The following SH3GLB1 variants were observed in gnomAD, a reference collection of about 807,000 sequenced individuals.
SH3GLB1 encodes the protein endophilin-B1.
Under a neutral mutation model 42.0 loss-of-function variants are expected in SH3GLB1, and 17 were observed. That is an observed-to-expected ratio of 0.40 (90% confidence interval 0.28 to 0.61). The LOEUF is 0.61. Ranked by LOEUF, SH3GLB1 falls within the 20% of genes least tolerant of loss-of-function variation. The pLI, the probability that SH3GLB1 is intolerant of heterozygous loss-of-function variation, is 0.36. For missense variants in SH3GLB1, 355 were observed against 426.3 expected, an observed-to-expected ratio of 0.83 and a Z score of 1.47; for synonymous variants, 132 against 146.6, an observed-to-expected ratio of 0.90 and a Z score of 0.72.
chr1:86,730,064 T>A (rs1160811125), intron 5 of SH3GLB1: 2 of 1,580,612 alleles, frequency 1.3e-6, no homozygotes, highest in Non-Finnish European at 1.7e-6. Context: ...TTTATATTTT[T>A]CTCTAATTTT....
intron 5 of SH3GLB1, 146 bp downstream of exon 5, chr1:86,724,551 A>T: frequency 1.5e-6 from 1 of 654,804 alleles, no homozygotes; most frequent in Admixed American, 3.1e-5. Flanking sequence ...AATACATCCA[A>T]ATCACTGCAA....
chr1:86,732,933 C>T (rs1357465583), intron 5 of SH3GLB1, among the ~76,000 whole-genome samples: 1 of 151,958 alleles, frequency 6.6e-6, no homozygotes, highest in African/African-American at 2.4e-5. Context: ...ATGGAACTAA[C>T]CTAGTTTATT....
rs1012352890 is a variant in SH3GLB1, at chr1:86,730,679, T to C, written c.571-3923T>C. Among the ~76,000 whole-genome samples the C allele has an allele frequency of 9.2e-5, 14 of 152,194 alleles. No homozygotes were observed. In the South Asian group the frequency reaches 2.3e-3, roughly 25 times the overall value. On this transcript the variant is annotated intron_variant, in intron 5 of 8. Transcript: ENST00000370558. The stretch of plus-strand genomic sequence containing the variant: ...CACGCCTGGCTAATTTTTTGTATGT[T>C]TAGTAGCGGCAGTTTTTTCACCATG...
Position 86,745,612 on chromosome 1 carries a change from G to A in SH3GLB1, c.*2377G>A, listed in dbSNP as rs752008582. The A allele has an allele frequency of 6.6e-6, 1 of 152,178 alleles. No homozygotes were observed. The highest frequency in any genetic ancestry group is 1.5e-5 in the Non-Finnish European group (1 of 68,028). The allele number at this position is 152,178 out of a possible 1,614,324, so 9.4% of individuals were successfully genotyped here. A position where few individuals can be genotyped will look rare whatever the true frequency, so the allele number is the denominator to read the frequency against. ...GTACAGAAACCTTCAATAATGTTAA[G>A]CTTCAAAGGCTTCTGGTACGTTTGT... On this transcript the variant is annotated 3_prime_UTR_variant, in exon 9 of 9. Coordinates refer to ENST00000370558, the MANE Select transcript of SH3GLB1 (RefSeq NM_016009.5).
Position 86,742,286 on chromosome 1 carries a change from T to C in SH3GLB1, c.840T>C (p.Gly280=). The C allele has an allele frequency of 1.9e-6, 3 of 1,614,100 alleles. No homozygotes were observed. Among genetic ancestry groups the C allele is most frequent in the Non-Finnish European group, 2.5e-6 (3 of 1,179,960 alleles). The part of the protein sequence containing the change: ...PVPSVLPNAI[G]SSAMASTSGL... Reference sequence around the variant, plus strand: ...CATCAGTTTTACCAAATGCGATTGGTTCTTCTGCCATGGCTTCAACAAGTG... The same window carrying C: ...CATCAGTTTTACCAAATGCGATTGGCTCTTCTGCCATGGCTTCAACAAGTG... Residue 280 remains glycine (G), a synonymous_variant, in exon 8 of 9, where the codon GGT becomes GGC. Transcript: ENST00000370558.
At chr1:86,707,979 CAG>C (rs1653970811) in intron 1 of SH3GLB1, among the ~76,000 whole-genome samples, 1 of 152,092 alleles carries the variant, frequency 6.6e-6, no homozygotes, top group Non-Finnish European at 1.5e-5. Context: ...AAGAAAAAAA[CAG>C]AAGTCGCTGA....
chr1:86,734,376 CAG>C (rs912556747), intron 5 of SH3GLB1: 10 of 428,284 alleles, frequency 2.3e-5, no homozygotes, highest in Non-Finnish European at 3.9e-5. Context: ...TTTAGCGTAA[CAG>C]ATTCTTTTCA....
rs550301160 is a variant in SH3GLB1, at chr1:86,715,811, A to G, written c.160A>G (p.Ile54Val). 28 of 1,612,348 alleles carry G rather than the reference A, an allele frequency of 1.7e-5. No homozygotes were observed. Among genetic ancestry groups the G allele is most frequent in the Admixed American group, 5.0e-5 (3 of 59,536 alleles). ...CCTTAGCAAAGCTGAATGTACCAAA[A>G]TATGGACAGAAAAAATAATGAAACA... ...NLLSKAECTK[I>V]WTEKIMKQTE... is the part of the protein sequence containing the mutation. The change falls in exon 2 of 9, where the codon ATA becomes GTA. Residue 54 changes from isoleucine to valine, a missense_variant. Transcript: ENST00000370558.
At chr1:86,717,314 T>A (rs1195921443) in intron 2 of SH3GLB1, among the ~76,000 whole-genome samples, 1 of 152,220 alleles carries the variant, frequency 6.6e-6, no homozygotes, top group African/African-American at 2.4e-5. Context: ...CATTCACAAC[T>A]GGTAAACAGG....
intron 5 of SH3GLB1, 149 bp downstream of exon 5, chr1:86,724,554 C>A: frequency 1.5e-6 from 1 of 651,128 alleles, no homozygotes. Flanking sequence ...ACATCCAAAT[C>A]ACTGCAAAGT....
intron 1 of SH3GLB1, among the ~76,000 whole-genome samples, chr1:86,709,978 T>C (rs1452003016): frequency 6.6e-6 from 1 of 152,218 alleles, no homozygotes; most frequent in African/African-American, 2.4e-5. Flanking sequence ...AAATCCTATT[T>C]CTTTTACAGA....
chr1:86,708,519 A>G (rs1440305923), intron 1 of SH3GLB1, among the ~76,000 whole-genome samples: 2 of 152,220 alleles, frequency 1.3e-5, no homozygotes, highest in African/African-American at 4.8e-5. Context: ...AGTAAAGCAC[A>G]TAGATGCGTC....
chr1:86,713,665 T>C (rs1311807921), intron 1 of SH3GLB1, among the ~76,000 whole-genome samples: 1 of 152,146 alleles, frequency 6.6e-6, no homozygotes, highest in Admixed American at 6.5e-5. Flanking sequence ...CTCAAACTCC[T>C]GCTCCCCTTT....
intron 5 of SH3GLB1, among the ~76,000 whole-genome samples, chr1:86,732,317 T>C (rs1322839352): frequency 6.6e-6 from 1 of 152,236 alleles, no homozygotes; most frequent in Non-Finnish European, 1.5e-5. Flanking sequence ...TGCTATCATG[T>C]AGTCTAGTAG....
At position 86,746,569 on chromosome 1, in the gene SH3GLB1, A is replaced by T. The variant is rs1331613996; in HGVS notation, c.*3334A>T. 6.6e-6 allele frequency: 1 copy of T among 152,208 alleles called. No individual in the cohort carries two copies. 9.4% of individuals were successfully genotyped at this position (152,208 alleles called of 1,614,324 possible). ...CTGCCCTTTCTCCCATATTACGCTC[A>T]TTAGAAAGTCTACTCAGGGCTGGGT... On this transcript the variant is annotated 3_prime_UTR_variant, in exon 9 of 9. Coordinates refer to ENST00000370558, the MANE Select transcript of SH3GLB1 (RefSeq NM_016009.5).
intron 5 of SH3GLB1, chr1:86,730,021 T>A (rs1375546585): frequency 1.4e-6 from 2 of 1,410,128 alleles, no homozygotes; most frequent in Non-Finnish European, 1.9e-6. Context: ...TTTTCTATAC[T>A]AAGTTGTAGA....
At chr1:86,723,460 G>A (rs1189205635) in intron 4 of SH3GLB1, among the ~76,000 whole-genome samples, 1 of 152,154 alleles carries the variant, frequency 6.6e-6, no homozygotes, top group African/African-American at 2.4e-5. Flanking sequence ...GTTGCAGTGA[G>A]CCAAGATCGT....
intron 5 of SH3GLB1, among the ~76,000 whole-genome samples, chr1:86,724,892 A>AAAATATATATATATATATATATAT (rs1291454820): frequency 1.4e-3 from 139 of 99,502 alleles, no homozygotes; most frequent in Non-Finnish European, 2.0e-3. Context: ...AAAAAAAAAA[A>AAAATATATATATATATATATATAT]ATATATATAT....
In SH3GLB1 at chr1:86,742,440, A is replaced by G; in HGVS notation, c.990+4A>G. The G allele has an allele frequency of 6.2e-7, 1 of 1,609,708 alleles. No individual in the cohort carries two copies. The highest frequency in any genetic ancestry group is 8.5e-7 in the Non-Finnish European group (1 of 1,176,104). On this transcript the variant is annotated splice_donor_region_variant and intron_variant, in intron 8 of 8. Transcript: ENST00000370558. ...ATTATCACTTCTGGCAGATGAGGTGAGTATTGTGGGTATGAGAAGGAAAAT... is the reference window on the plus strand; with the variant it reads ...ATTATCACTTCTGGCAGATGAGGTGGGTATTGTGGGTATGAGAAGGAAAAT...
Sources: allele counts gnomAD v4.1 joint callset (sites outside exome capture counted in the v4.1 genomes callset), GRCh38; gene constraint gnomAD v4.1.1; transcripts MANE v1.5; gene names NCBI Gene and HGNC (gene_info 2026-07-23, HGNC 2026-07-21).